Variants in KSR2 observed in about 807,000 individuals in gnomAD.
KSR2 encodes kinase suppressor of ras 2.
Under a neutral mutation model 107.8 loss-of-function variants are expected in KSR2, and 25 were observed. The observed-to-expected ratio is 0.23, with a 90% CI of 0.17 to 0.32. The LOEUF is 0.32. KSR2 is among the 10% of genes least tolerant of loss of function. The pLI is 1.00. For missense variants in KSR2, 887 were observed against 1,268.9 expected, an observed-to-expected ratio of 0.70 and a Z score of 4.57; for synonymous variants, 480 against 507.0, an observed-to-expected ratio of 0.95 and a Z score of 0.71.
At chr12:117,792,876 T>G (rs961425175) in intron 3 of KSR2, among the ~76,000 whole-genome samples, 3 of 151,870 alleles carry the variant, frequency 2.0e-5, no homozygotes, top group African/African-American at 7.3e-5. Flanking sequence ...CACACCAACA[T>G]GCACACACAC....
chr12:117,694,300 G>A lies in KSR2; in HGVS notation c.987-26642C>T, dbSNP rs371353740. On this transcript the variant is annotated intron_variant, in intron 4 of 19. Transcript: ENST00000339824. ...ACGTTTCCTCCATACTGTTCTCGTG[G>A]TAGTGAATAAGTCTCATGAGATCTG... is the stretch of plus-strand genomic sequence containing the variant. Among the ~76,000 whole-genome samples, 21 of 152,276 alleles carry A rather than the reference G, an allele frequency of 1.4e-4. No homozygotes were observed. The South Asian group carries it at 3.7e-3, about 27-fold the overall frequency.
intron 4 of KSR2, among the ~76,000 whole-genome samples, chr12:117,697,333 C>G (rs575904459): frequency 3.3e-5 from 5 of 152,168 alleles, no homozygotes; most frequent in Non-Finnish European, 7.4e-5. Context: ...TTCTGGAGGG[C>G]AGAAAATGTT....
intron 4 of KSR2, among the ~76,000 whole-genome samples, chr12:117,680,781 A>C (rs1885332630): frequency 6.6e-6 from 1 of 152,198 alleles, no homozygotes; most frequent in Non-Finnish European, 1.5e-5. Flanking sequence ...AAAACAATGG[A>C]TATGATATGG....
At chr12:117,483,146 C>T (rs2137138122) in intron 16 of KSR2, among the ~76,000 whole-genome samples, 1 of 152,302 alleles carries the variant, frequency 6.6e-6, no homozygotes, top group Admixed American at 6.5e-5. Flanking sequence ...TGCCTACTTA[C>T]TGCCTTATCT....
chr12:117,699,007 T>A (rs1226426392), intron 4 of KSR2, among the ~76,000 whole-genome samples: 1 of 152,184 alleles, frequency 6.6e-6, no homozygotes, highest in African/African-American at 2.4e-5. Context: ...GTCCCCTTCA[T>A]CTAAAAGAGC....
At chr12:117,544,930 G>A (rs777179570) in intron 9 of KSR2, among the ~76,000 whole-genome samples, 13 of 152,096 alleles carry the variant, frequency 8.5e-5, no homozygotes, top group Admixed American at 2.6e-4. Context: ...AAAACATTCA[G>A]TTTTTCATCA....
At chr12:117,536,661 G>A (rs1008005840) in intron 10 of KSR2, among the ~76,000 whole-genome samples, 3 of 151,688 alleles carry the variant, frequency 2.0e-5, no homozygotes, top group Admixed American at 1.3e-4. Context: ...TTCTACTTAA[G>A]AAACATTATG....
Position 117,582,345 on chromosome 12 carries a change from G to C in KSR2, c.1186C>G (p.Pro396Ala). ...CGAGGGATCTGCGGGGACCAGCGTG[G>C]CACTGACAGTGTGTCTACAGAGAGA... ...ANFSANTLSV[P>A]RWSPQIPRRD... is the part of the protein sequence containing the mutation. Residue 396 changes from proline (P) to alanine (A), a missense_variant, in exon 6 of 20, where the codon CCA becomes GCA. By Grantham distance (27) the Pro-to-Ala change is conservative. This residue lies in a region of KSR2 where 399 missense variants were observed against 479.5 expected (regional missense o/e 0.83). Transcript: ENST00000339824. The C allele has an allele frequency of 6.2e-7, 1 of 1,613,604 alleles. No homozygotes were observed. Among genetic ancestry groups the C allele is most frequent in the Non-Finnish European group, 8.5e-7 (1 of 1,179,694 alleles).
chr12:117,508,785 T>C (rs987296905), intron 14 of KSR2, among the ~76,000 whole-genome samples: 4 of 151,188 alleles, frequency 2.6e-5, no homozygotes, highest in African/African-American at 9.7e-5. Flanking sequence ...GATGGATGGG[T>C]GGCTGGATAG....
chr12:117,593,552 C>T (rs569867934), intron 5 of KSR2, among the ~76,000 whole-genome samples: 1 of 152,234 alleles, frequency 6.6e-6, no homozygotes, highest in Non-Finnish European at 1.5e-5. Flanking sequence ...TTGGAATGTG[C>T]AAAATGGAAT....
intron 14 of KSR2, among the ~76,000 whole-genome samples, chr12:117,514,087 G>A (rs1874209547): frequency 6.6e-6 from 1 of 152,240 alleles, no homozygotes; most frequent in Non-Finnish European, 1.5e-5. Context: ...TGGAACACAT[G>A]GTAAGGGCCC....
intron 3 of KSR2, among the ~76,000 whole-genome samples, chr12:117,845,122 G>A (rs538774821): frequency 6.6e-6 from 1 of 152,276 alleles, no homozygotes; most frequent in African/African-American, 2.4e-5. Context: ...CTCCAGCCTG[G>A]GCGACAGAGC....
At chr12:117,866,744 G>T (rs535998915) in intron 1 of KSR2, among the ~76,000 whole-genome samples, 3 of 152,016 alleles carry the variant, frequency 2.0e-5, no homozygotes, top group African/African-American at 4.8e-5. Flanking sequence ...CACGAGAATC[G>T]CTTGAACCCG....
chr12:117,867,243 G>T (rs1439205012), intron 1 of KSR2, among the ~76,000 whole-genome samples: 1 of 152,050 alleles, frequency 6.6e-6, no homozygotes, highest in African/African-American at 2.4e-5. Flanking sequence ...TTGAGCCTGG[G>T]AGGTCGAAGC....
intron 4 of KSR2, among the ~76,000 whole-genome samples, chr12:117,713,561 T>C (rs1040617816): frequency 4.6e-5 from 7 of 152,128 alleles, no homozygotes; most frequent in Non-Finnish European, 1.0e-4. Flanking sequence ...TTCACTGTTT[T>C]ACTCTATCTA....
chr12:117,955,068 C>A (rs1896473491), intron 1 of KSR2, among the ~76,000 whole-genome samples: 1 of 151,916 alleles, frequency 6.6e-6, no homozygotes, highest in Non-Finnish European at 1.5e-5. Context: ...TCTACTCAGC[C>A]CCTGAATGCA....
At chr12:117,578,376 T>C (rs1879413606) in intron 7 of KSR2, among the ~76,000 whole-genome samples, 1 of 152,032 alleles carries the variant, frequency 6.6e-6, no homozygotes. Flanking sequence ...GGAGGATCAC[T>C]TGAGGTCAGG....
chr12:117,624,792 G>A (rs146782839), intron 5 of KSR2, among the ~76,000 whole-genome samples: 1 of 151,486 alleles, frequency 6.6e-6, no homozygotes, highest in East Asian at 1.9e-4. Flanking sequence ...TGAATCTTTG[G>A]GCAGCATGGC....
intron 1 of KSR2, among the ~76,000 whole-genome samples, chr12:117,938,990 G>A (rs1895925000): frequency 6.7e-6 from 1 of 150,120 alleles, no homozygotes; most frequent in Non-Finnish European, 1.5e-5. Context: ...TACCATCTGG[G>A]GTCAAAAAAA....
Sources: allele counts gnomAD v4.1 joint callset (sites outside exome capture counted in the v4.1 genomes callset), GRCh38; gene constraint gnomAD v4.1.1; regional missense constraint gnomAD v4.1.1; transcripts MANE v1.5; gene names NCBI Gene and HGNC (gene_info 2026-07-23, HGNC 2026-07-21).